The following SKAP1 variants were observed in gnomAD, a reference collection of about 807,000 sequenced individuals.
The protein encoded by SKAP1 is src kinase-associated phosphoprotein 1.
In SKAP1, 44 loss-of-function variants were observed where a neutral mutation model predicts 58.5. The observed-to-expected ratio is 0.75, with a 90% CI of 0.59 to 0.97. The LOEUF (loss-of-function observed/expected upper bound fraction) is 0.97. Ranked by LOEUF, SKAP1 falls within the 50% of genes least tolerant of loss-of-function variation. The pLI is 0.00. For synonymous variants in SKAP1, 127 were observed against 149.7 expected, an observed-to-expected ratio of 0.85 and a Z score of 1.11; for missense variants, 390 against 435.2, an observed-to-expected ratio of 0.90 and a Z score of 0.92.
chr17:48,287,098 A>AAAATAAATAAAT (rs57589895), intron 4 of SKAP1, among the ~76,000 whole-genome samples: 6,971 of 146,918 alleles, frequency 0.047, 353 homozygotes, highest in Admixed American at 0.11. Context: ...CTCCGTCTCA[A>AAAATAAATAAAT]AAATAAATAA....
chr17:48,177,299 C>T (rs1437211251), intron 9 of SKAP1, among the ~76,000 whole-genome samples: 1 of 152,170 alleles, frequency 6.6e-6, no homozygotes, highest in African/African-American at 2.4e-5. Flanking sequence ...TGTTTAAACA[C>T]CATCACATTA....
chr17:48,177,197 A>G (rs189310278), intron 9 of SKAP1, among the ~76,000 whole-genome samples: 2 of 152,268 alleles, frequency 1.3e-5, no homozygotes, highest in African/African-American at 2.4e-5. Context: ...CTCCATACAC[A>G]TAGCTGGAAA....
At chr17:48,314,185 C>T (rs567694133) in intron 4 of SKAP1, among the ~76,000 whole-genome samples, 3 of 152,274 alleles carry the variant, frequency 2.0e-5, no homozygotes, top group African/African-American at 7.2e-5. Flanking sequence ...GTTCTCACTT[C>T]TTTATGTCAT....
At chr17:48,152,329 C>A (rs208009) in intron 11 of SKAP1, among the ~76,000 whole-genome samples, 2 of 152,120 alleles carry the variant, frequency 1.3e-5, no homozygotes, top group African/African-American at 2.4e-5. Context: ...AGCTGAATCA[C>A]GCAATACCAA....
At chr17:48,254,390 C>G (rs952191730) in intron 4 of SKAP1, among the ~76,000 whole-genome samples, 2 of 152,084 alleles carry the variant, frequency 1.3e-5, no homozygotes, top group African/African-American at 4.8e-5. Context: ...ATTTAAATCT[C>G]TAAATCTTGC....
intron 4 of SKAP1, among the ~76,000 whole-genome samples, chr17:48,284,568 G>C (rs999022759): frequency 6.6e-6 from 1 of 151,670 alleles, no homozygotes; most frequent in Non-Finnish European, 1.5e-5. Flanking sequence ...TTCAAAAACA[G>C]CTTCCAAAAA....
chr17:48,352,401 C>A (rs2144353424), intron 3 of SKAP1, among the ~76,000 whole-genome samples: 1 of 152,096 alleles, frequency 6.6e-6, no homozygotes, highest in Non-Finnish European at 1.5e-5. Context: ...TGACATAATT[C>A]AAAATATATA....
At chr17:48,411,532 A>C (rs1405629051) in intron 1 of SKAP1, among the ~76,000 whole-genome samples, 2 of 152,192 alleles carry the variant, frequency 1.3e-5, no homozygotes, top group East Asian at 3.8e-4. Context: ...CCCACTCCTT[A>C]AGTGTGGGGT....
chr17:48,337,032 C>T (rs2066581341), intron 4 of SKAP1, among the ~76,000 whole-genome samples: 1 of 152,098 alleles, frequency 6.6e-6, no homozygotes, highest in East Asian at 1.9e-4. Flanking sequence ...CAAAATGGGT[C>T]AGCAAATTGG....
intron 4 of SKAP1, among the ~76,000 whole-genome samples, chr17:48,312,433 T>C (rs2066234514): frequency 6.6e-6 from 1 of 152,242 alleles, no homozygotes. Flanking sequence ...GAATCCAGAA[T>C]GTTTAAAGGC....
At chr17:48,363,714 A>T in intron 3 of SKAP1, 75 bp downstream of exon 3, 2 of 1,290,734 alleles carry the variant, frequency 1.5e-6, no homozygotes, top group Non-Finnish European at 2.2e-6. Context: ...AGAAGCTTGT[A>T]GAGAAGAGAC....
intron 11 of SKAP1, among the ~76,000 whole-genome samples, chr17:48,138,871 A>C (rs1041051400): frequency 1.3e-5 from 2 of 150,214 alleles, no homozygotes; most frequent in East Asian, 4.0e-4. Context: ...TTTTGAAAGA[A>C]GTAAAATTAG....
chr17:48,409,912 A>G (rs888111685), intron 1 of SKAP1, among the ~76,000 whole-genome samples: 4 of 152,222 alleles, frequency 2.6e-5, no homozygotes, highest in Non-Finnish European at 5.9e-5. Context: ...AGATTTCAAG[A>G]AAGAATGTAA....
chr17:48,399,734 C>T (rs952086251), intron 1 of SKAP1, among the ~76,000 whole-genome samples: 1 of 150,806 alleles, frequency 6.6e-6, no homozygotes. Context: ...GCCACTCCAG[C>T]CTGGGTGGCA....
At chr17:48,311,775 C>T (rs1216674122) in intron 4 of SKAP1, among the ~76,000 whole-genome samples, 1 of 152,160 alleles carries the variant, frequency 6.6e-6, no homozygotes, top group Non-Finnish European at 1.5e-5. Context: ...CGATCTGTGT[C>T]AGAGATTACT....
At chr17:48,278,355 T>C (rs1009943469) in intron 4 of SKAP1, among the ~76,000 whole-genome samples, 33 of 152,212 alleles carry the variant, frequency 2.2e-4, no homozygotes, top group African/African-American at 7.2e-4. Flanking sequence ...CGGTGTGTGT[T>C]AGTTGAATGA....
At chr17:48,242,379 C>T (rs1304764132) in intron 4 of SKAP1, among the ~76,000 whole-genome samples, 4 of 152,156 alleles carry the variant, frequency 2.6e-5, no homozygotes, top group African/African-American at 9.7e-5. Flanking sequence ...CCCTAAATCT[C>T]CAGTTACAGA....
At position 48,172,420 on chromosome 17, in the gene SKAP1, T is replaced by C. The variant is rs976012211; in HGVS notation, c.827-1761A>G. 7.9e-5 allele frequency among the ~76,000 whole-genome samples: 12 copies of C among 152,284 alleles called. No homozygotes were observed. In the South Asian group the frequency reaches 2.3e-3, roughly 29 times the overall value. On this transcript the variant is annotated intron_variant, in intron 9 of 12. Coordinates refer to ENST00000336915, the MANE Select transcript of SKAP1 (RefSeq NM_003726.4). ...CATCTCGTCACATTACCCGATAAAATAGGAATTGGACCCTTATAATGTAAA... is the reference window on the plus strand; with the variant it reads ...CATCTCGTCACATTACCCGATAAAACAGGAATTGGACCCTTATAATGTAAA...
chr17:48,247,972 C>T (rs2065315599), intron 4 of SKAP1, among the ~76,000 whole-genome samples: 1 of 152,160 alleles, frequency 6.6e-6, no homozygotes, highest in Admixed American at 6.5e-5. Context: ...TAAAACTCCT[C>T]AAGTTTACTC....
Sources: allele counts gnomAD v4.1 joint callset (sites outside exome capture counted in the v4.1 genomes callset), GRCh38; gene constraint gnomAD v4.1.1; transcripts MANE v1.5; gene names NCBI Gene and HGNC (gene_info 2026-07-23, HGNC 2026-07-21).